The following SUMF1 variants were observed in gnomAD, a reference collection of about 807,000 sequenced individuals.
SUMF1 encodes the protein sulfatase modifying factor 1, also known as formylglycine-generating enzyme.
A neutral mutation model predicts 47.6 loss-of-function variants in SUMF1; 48 were observed. That is an observed-to-expected ratio of 1.01 (90% CI 0.80 to 1.28). The LOEUF (loss-of-function observed/expected upper bound fraction) is 1.28, where lower values mean the gene tolerates loss of function less well. Among genes scored for constraint, SUMF1 ranks in the 50% most tolerant of loss-of-function variants. The pLI is 0.00. For missense variants in SUMF1, 571 were observed against 485.4 expected (o/e 1.18, Z -1.66); for synonymous variants, 230 against 192.1 (o/e 1.20, Z -1.63).
intron 8 of SUMF1, among the ~76,000 whole-genome samples, chr3:4,257,666 C>G (rs2125019002): frequency 6.7e-6 from 1 of 149,430 alleles, no homozygotes; most frequent in African/African-American, 2.4e-5. Flanking sequence ...GAATCAATAT[C>G]ATGAAAATGG....
At chr3:4,318,683 A>G (rs1698749024) in intron 8 of SUMF1, among the ~76,000 whole-genome samples, 1 of 152,162 alleles carries the variant, frequency 6.6e-6, no homozygotes. Flanking sequence ...CAAAGCAGAC[A>G]GATCACCTGA....
At chr3:4,281,660 T>A (rs1390335086) in intron 8 of SUMF1, among the ~76,000 whole-genome samples, 2 of 151,990 alleles carry the variant, frequency 1.3e-5, no homozygotes, top group Non-Finnish European at 2.9e-5. Flanking sequence ...AGGTTTAGAA[T>A]AATTTACATA....
At chr3:4,168,567 T>C (rs1171530076) in intron 8 of SUMF1, among the ~76,000 whole-genome samples, 2 of 152,182 alleles carry the variant, frequency 1.3e-5, no homozygotes, top group Non-Finnish European at 2.9e-5. Context: ...AACATGGGCT[T>C]CCTCTTCACT....
intron 8 of SUMF1, among the ~76,000 whole-genome samples, chr3:4,237,171 G>A (rs946101450): frequency 2.0e-5 from 3 of 152,046 alleles, no homozygotes; most frequent in African/African-American, 7.2e-5. Flanking sequence ...TGGAGTGCAT[G>A]GTAAGAGTAA....
intron 8 of SUMF1, among the ~76,000 whole-genome samples, chr3:4,199,327 AT>A (rs1452897681): frequency 6.6e-6 from 1 of 152,128 alleles, no homozygotes; most frequent in Admixed American, 6.6e-5. Flanking sequence ...GCTCCTTCTT[AT>A]TGCTGAATGG....
At chr3:4,244,797 T>G (rs1696623726) in intron 8 of SUMF1, among the ~76,000 whole-genome samples, 1 of 152,170 alleles carries the variant, frequency 6.6e-6, no homozygotes, top group Admixed American at 6.5e-5. Flanking sequence ...TTGGCCTGCC[T>G]TGCTAGGTTG....
chr3:4,452,888 G>A lies in SUMF1; in HGVS notation c.432C>T (p.Gly144=), dbSNP rs754308080. The change falls in exon 2 of 9, where the codon GGC becomes GGT. Residue 144 remains glycine (G), a synonymous_variant. Transcript: ENST00000272902. ...CCAATCCCATTACCTCTGTCAAATA[G>A]CCAGTTGAGTTCACAAACTTCTCAA... ...TEFEKFVNST[G]YLTEAEKFGD... 9.9e-6 allele frequency: 16 copies of A among 1,614,018 alleles called. No individual in the cohort carries two copies. In the Admixed American group the frequency reaches 2.7e-4, roughly 27 times the overall value.
chr3:4,336,848 T>G (rs924818841), intron 8 of SUMF1, among the ~76,000 whole-genome samples: 1 of 152,230 alleles, frequency 6.6e-6, no homozygotes, highest in African/African-American at 2.4e-5. Context: ...TTCATCAATC[T>G]GGGAAAATAC....
intron 3 of SUMF1, among the ~76,000 whole-genome samples, chr3:4,424,777 T>A (rs928644173): frequency 6.6e-6 from 1 of 152,282 alleles, no homozygotes; most frequent in Admixed American, 6.5e-5. Flanking sequence ...TTTGTTAGTA[T>A]CATCAGGAAA....
intron 9 of SUMF1, among the ~76,000 whole-genome samples, chr3:4,064,937 C>A (rs778408659): frequency 6.6e-6 from 1 of 152,132 alleles, no homozygotes; most frequent in Non-Finnish European, 1.5e-5. Flanking sequence ...TTTCATTAAA[C>A]TGATGTAACA....
chr3:4,064,868 C>T (rs1027415581), intron 9 of SUMF1, among the ~76,000 whole-genome samples: 4 of 152,126 alleles, frequency 2.6e-5, no homozygotes, highest in African/African-American at 9.7e-5. Flanking sequence ...ATAATTTCTT[C>T]AAGCTGTGTC....
rs1237966507 is a variant in SUMF1, at chr3:4,192,674, T to A, written c.1015-123929A>T. On this transcript the variant is annotated intron_variant and NMD_transcript_variant, in intron 8 of 12. Transcript: ENST00000448413. ...TTGCATAATACATGTTTTATGCTAA[T>A]GAGGTAACTCAGGATGGGTCAAAGA... 4.6e-5 allele frequency among the ~76,000 whole-genome samples: 7 copies of A among 152,284 alleles called. No homozygotes were observed. In the East Asian group the frequency reaches 1.4e-3, roughly 29 times the overall value.
At chr3:4,254,865 A>T (rs1696906872) in intron 8 of SUMF1, among the ~76,000 whole-genome samples, 6 of 152,064 alleles carry the variant, frequency 3.9e-5, no homozygotes, top group Admixed American at 3.9e-4. Context: ...AGCCAGAGAG[A>T]AAGGTCGGGT....
chr3:4,164,082 T>C (rs1694644521), intron 8 of SUMF1, among the ~76,000 whole-genome samples: 1 of 152,148 alleles, frequency 6.6e-6, no homozygotes, highest in South Asian at 2.1e-4. Flanking sequence ...ATATAGATAA[T>C]AGCTCCAGCT....
chr3:4,126,706 A>G (rs1215437812), intron 8 of SUMF1, among the ~76,000 whole-genome samples: 1 of 152,186 alleles, frequency 6.6e-6, no homozygotes, highest in Non-Finnish European at 1.5e-5. Flanking sequence ...AAAGAGGGCA[A>G]AAGTCTTACT....
At chr3:4,435,861 A>G (rs1392303947) in intron 3 of SUMF1, among the ~76,000 whole-genome samples, 3 of 152,380 alleles carry the variant, frequency 2.0e-5, no homozygotes, top group East Asian at 3.9e-4. Flanking sequence ...CTCTAAAAAA[A>G]GTACTACAGG....
chr3:4,423,513 C>T (rs1701973930), intron 3 of SUMF1, among the ~76,000 whole-genome samples: 1 of 152,144 alleles, frequency 6.6e-6, no homozygotes, highest in Non-Finnish European at 1.5e-5. Context: ...AATCTGGTTA[C>T]AAATGTTTAT....
At chr3:4,240,849 G>A (rs1324538763) in intron 8 of SUMF1, among the ~76,000 whole-genome samples, 2 of 151,432 alleles carry the variant, frequency 1.3e-5, no homozygotes, top group African/African-American at 4.8e-5. Flanking sequence ...TTTATAATCA[G>A]AAAAAAATTA....
chr3:4,437,602 T>A (rs1244555416), intron 3 of SUMF1, among the ~76,000 whole-genome samples: 1 of 152,202 alleles, frequency 6.6e-6, no homozygotes, highest in Non-Finnish European at 1.5e-5. Flanking sequence ...CAGCTATATA[T>A]TATTTACAAT....
Sources: gnomAD v4.1 joint callset for allele counts (sites outside exome capture counted in the v4.1 genomes callset) on GRCh38, gnomAD v4.1.1 for gene constraint, MANE v1.5 for transcripts, NCBI Gene and HGNC (gene_info 2026-07-23, HGNC 2026-07-21) for gene names.